ZPBP: variants seen among roughly 807,000 people sequenced by gnomAD.
ZPBP encodes the protein zona pellucida binding protein.
Under a neutral mutation model 44.8 loss-of-function variants are expected in ZPBP, and 26 were observed. That is an observed-to-expected ratio of 0.58 (90% confidence interval 0.43 to 0.81). ZPBP has a LOEUF of 0.81. Ranked by LOEUF, ZPBP falls within the 30% of genes least tolerant of loss-of-function variation. The pLI, the probability that ZPBP is intolerant of heterozygous loss-of-function variation, is 0.00. For synonymous variants in ZPBP, 174 were observed against 153.2 expected, an observed-to-expected ratio of 1.14 and a Z score of -1.00; for missense variants, 409 against 434.0, an observed-to-expected ratio of 0.94 and a Z score of 0.51.
intron 1 of ZPBP, among the ~76,000 whole-genome samples, chr7:49,905,981 A>C (rs564728140): frequency 6.6e-6 from 1 of 152,296 alleles, no homozygotes; most frequent in African/African-American, 2.4e-5. Context: ...AAAGGGGAGG[A>C]ACCCTCAGTT....
At chr7:49,859,673 T>C (rs1011118164) in intron 2 of ZPBP, among the ~76,000 whole-genome samples, 3 of 152,248 alleles carry the variant, frequency 2.0e-5, no homozygotes, top group African/African-American at 7.2e-5. Context: ...GCTATAGATT[T>C]ATACTATGTG....
At position 50,009,113 on chromosome 7, in the gene ZPBP, T is replaced by C. The variant is rs535340212; in HGVS notation, c.783+9127A>G. ...TCAGCCAGGTGCGGTGGCACGTGTCTGTAATCCCAGCTGCTTGGGAGGCTG... is the reference window on the plus strand; with the variant it reads ...TCAGCCAGGTGCGGTGGCACGTGTCCGTAATCCCAGCTGCTTGGGAGGCTG... On this transcript the variant is annotated intron_variant, in intron 6 of 7. Transcript: ENST00000046087. Among the ~76,000 whole-genome samples, 6 of 151,776 alleles carry C rather than the reference T, an allele frequency of 4.0e-5. No individual in the cohort carries two copies. The South Asian group carries it at 1.2e-3, about 32-fold the overall frequency.
At chr7:49,846,545 C>T (rs1030498916), downstream of ZPBP, among the ~76,000 whole-genome samples, 1 of 152,174 alleles carries the variant, frequency 6.6e-6, no homozygotes, top group Non-Finnish European at 1.5e-5. Context: ...GTGATGAGCT[C>T]AAGGCTTATC....
At chr7:50,069,230 C>G (rs1291160436) in intron 3 of ZPBP, among the ~76,000 whole-genome samples, 1 of 152,138 alleles carries the variant, frequency 6.6e-6, no homozygotes, top group East Asian at 1.9e-4. Context: ...GAGGAGGGGT[C>G]TCTATTCCCT....
intron 2 of ZPBP, among the ~76,000 whole-genome samples, chr7:49,860,305 A>G (rs78582831): frequency 0.029 from 4,436 of 152,272 alleles, 176 homozygotes; most frequent in South Asian, 0.12. Flanking sequence ...TTATGTCTCT[A>G]AAAATTTACC....
intron 7 of ZPBP, among the ~76,000 whole-genome samples, chr7:49,967,806 A>G (rs1188875827): frequency 6.6e-6 from 1 of 152,168 alleles, no homozygotes; most frequent in African/African-American, 2.4e-5. Flanking sequence ...TTGGCCTCCC[A>G]AAGGCATGAG....
chr7:49,901,568 A>G (rs1044103414), intron 1 of ZPBP, among the ~76,000 whole-genome samples: 2 of 151,908 alleles, frequency 1.3e-5, no homozygotes, highest in Admixed American at 1.3e-4. Flanking sequence ...ATATATAAAT[A>G]GAGAGATGTT....
intron 2 of ZPBP, among the ~76,000 whole-genome samples, chr7:49,870,755 A>G (rs181296203): frequency 5.4e-4 from 83 of 152,352 alleles, no homozygotes; most frequent in Non-Finnish European, 8.1e-4. Flanking sequence ...TGAAAATGCA[A>G]CCTGCATGAT....
chr7:49,893,488 T>G (rs1222460883), intron 2 of ZPBP, among the ~76,000 whole-genome samples: 1 of 152,230 alleles, frequency 6.6e-6, no homozygotes, highest in African/African-American at 2.4e-5. Context: ...AAACTTTTGC[T>G]CATTTGAACT....
intron 1 of ZPBP, among the ~76,000 whole-genome samples, chr7:49,911,480 CAAAAAA>C (rs34782644): frequency 1.3e-4 from 9 of 71,634 alleles, no homozygotes; most frequent in African/African-American, 2.5e-4. Flanking sequence ...GACTCTGTCT[CAAAAAA>C]AAAAAAAAAA....
chr7:49,947,203 A>G (rs116289174), intron 7 of ZPBP, among the ~76,000 whole-genome samples: 2 of 152,018 alleles, frequency 1.3e-5, no homozygotes, highest in Non-Finnish European at 2.9e-5. Flanking sequence ...CCGGTGCCCT[A>G]TTTAGTTCAT....
At chr7:50,032,337 G>A (rs1383421284) in intron 4 of ZPBP, among the ~76,000 whole-genome samples, 1 of 152,082 alleles carries the variant, frequency 6.6e-6, no homozygotes, top group African/African-American at 2.4e-5. Flanking sequence ...CTGAACCTGA[G>A]GGGTCAGAGC....
At chr7:49,893,095 A>C (rs906285645) in intron 2 of ZPBP, among the ~76,000 whole-genome samples, 1 of 152,164 alleles carries the variant, frequency 6.6e-6, no homozygotes, top group Admixed American at 6.5e-5. Context: ...AGGACATATT[A>C]TTTCTGTTTC....
At chr7:50,036,555 A>G (rs1799836874) in intron 4 of ZPBP, among the ~76,000 whole-genome samples, 1 of 152,238 alleles carries the variant, frequency 6.6e-6, no homozygotes, top group East Asian at 1.9e-4. Context: ...TGTAAACCAC[A>G]TTCTCTGACA....
chr7:49,858,667 C>T (rs1332256444), intron 2 of ZPBP, among the ~76,000 whole-genome samples: 1 of 151,368 alleles, frequency 6.6e-6, no homozygotes, highest in Non-Finnish European at 1.5e-5. Flanking sequence ...AACAAACCTG[C>T]GTTGTGCACA....
intron 3 of ZPBP, among the ~76,000 whole-genome samples, chr7:50,060,975 G>A (rs1801208041): frequency 1.3e-5 from 2 of 152,020 alleles, no homozygotes; most frequent in South Asian, 4.1e-4. Flanking sequence ...AATCAAGTAG[G>A]GTTTATCCCT....
At chr7:49,950,598 T>C (rs1045590258) in intron 7 of ZPBP, among the ~76,000 whole-genome samples, 1 of 151,742 alleles carries the variant, frequency 6.6e-6, no homozygotes, top group Non-Finnish European at 1.5e-5. Context: ...TGTTAATATA[T>C]GTGTATGTCT....
rs897214797 is a variant in ZPBP, at chr7:50,084,887, G to C, written c.209-2988C>G. 2.0e-5 allele frequency among the ~76,000 whole-genome samples: 3 copies of C among 152,038 alleles called. No homozygotes were observed. In the South Asian group the frequency reaches 6.2e-4, roughly 32 times the overall value. ...ATGAGGAAAAGTGTAGAAATTATCAGAAAAAACATTTCCAGAACTCAAACT... is the reference window on the plus strand; with the variant it reads ...ATGAGGAAAAGTGTAGAAATTATCACAAAAAACATTTCCAGAACTCAAACT... On this transcript the variant is annotated intron_variant, in intron 2 of 7. Transcript: ENST00000046087.
At chr7:49,848,504 C>G (rs140935839), downstream of ZPBP, among the ~76,000 whole-genome samples, 533 of 152,328 alleles carry the variant, frequency 3.5e-3, 1 homozygote, top group African/African-American at 0.012. Flanking sequence ...AACTGTTGCT[C>G]AGTGAGCCCA....
Sources: allele counts gnomAD v4.1 joint callset (sites outside exome capture counted in the v4.1 genomes callset), GRCh38; gene constraint gnomAD v4.1.1; transcripts MANE v1.5; gene names NCBI Gene and HGNC (gene_info 2026-07-23, HGNC 2026-07-21).